The following MTSS1 variants were observed in gnomAD, a reference collection of about 807,000 sequenced individuals.
MTSS1 encodes protein MTSS 1.
MTSS1 carries 18 observed loss-of-function variants against 79.0 expected under a neutral mutation model. That is an observed-to-expected ratio of 0.23 (90% CI 0.16 to 0.34). MTSS1 has a LOEUF of 0.34. MTSS1 is among the 10% of genes least tolerant of loss of function. The pLI is 1.00. For missense variants in MTSS1, 815 were observed against 986.2 expected (o/e 0.83, Z 2.33); for synonymous variants, 341 against 368.6 (o/e 0.93, Z 0.86).
intron 1 of MTSS1, among the ~76,000 whole-genome samples, chr8:124,712,377 T>C (rs1330479905): frequency 6.6e-6 from 1 of 152,142 alleles, no homozygotes; most frequent in Non-Finnish European, 1.5e-5. Context: ...TGAAGCTGCT[T>C]TACGCAGCTT....
intron 7 of MTSS1, chr8:124,567,517 G>C (rs1826770751): frequency 2.0e-6 from 2 of 981,166 alleles, no homozygotes; most frequent in Admixed American, 6.4e-5. Context: ...TTCATACTGT[G>C]GCCCTTTTCT....
rs1320883962 is a variant in MTSS1 at position 124,550,802 on chromosome 8, C to T, written c.*2190G>A. ...ACAGGACTTTTTTAATCTAGTGGTT[C>T]TTTATTTATAACGTAGGCTGAAGCA... On this transcript the variant is annotated 3_prime_UTR_variant, in exon 14 of 14. Transcript: ENST00000518547. 1 of 152,482 alleles carries T rather than the reference C, an allele frequency of 6.6e-6. No individual in the cohort carries two copies. 9.4% of individuals were successfully genotyped at this position (152,482 alleles called of 1,614,324 possible).
intron 5 of MTSS1, among the ~76,000 whole-genome samples, chr8:124,585,469 C>CA (rs1198046942): frequency 1.3e-5 from 2 of 151,636 alleles, no homozygotes; most frequent in African/African-American, 2.4e-5. Context: ...GGCTGGAGTG[C>CA]AGTGGCATGA....
At chr8:124,583,200 C>T (rs781600530) in intron 6 of MTSS1, among the ~76,000 whole-genome samples, 8 of 152,160 alleles carry the variant, frequency 5.3e-5, no homozygotes, top group Non-Finnish European at 1.0e-4. Flanking sequence ...GCTTCAGAAA[C>T]CCCTGATCCC....
intron 10 of MTSS1, among the ~76,000 whole-genome samples, chr8:124,560,677 C>G (rs143217299): frequency 1.1e-3 from 174 of 152,210 alleles, no homozygotes; most frequent in Non-Finnish European, 2.1e-3. Context: ...AATAAAACAA[C>G]AAAACAGTAA....
At chr8:124,645,430 A>G (rs1818831383) in intron 3 of MTSS1, among the ~76,000 whole-genome samples, 1 of 152,208 alleles carries the variant, frequency 6.6e-6, no homozygotes, top group Non-Finnish European at 1.5e-5. Flanking sequence ...AGAAGAAAAT[A>G]TAAGGCTCCA....
chr8:124,667,344 CA>C (rs966911557), intron 3 of MTSS1, among the ~76,000 whole-genome samples: 9 of 148,448 alleles, frequency 6.1e-5, no homozygotes, highest in African/African-American at 2.0e-4. Flanking sequence ...TATTTTACCA[CA>C]AAAAAAAAAT....
intron 3 of MTSS1, among the ~76,000 whole-genome samples, chr8:124,635,769 C>G (rs985814520): frequency 1.3e-5 from 2 of 151,984 alleles, no homozygotes; most frequent in Non-Finnish European, 2.9e-5. Context: ...AGCAATTGCC[C>G]TATTTGTAGA....
chr8:124,656,240 T>C (rs1472782626), intron 3 of MTSS1, among the ~76,000 whole-genome samples: 3 of 152,200 alleles, frequency 2.0e-5, no homozygotes, highest in Admixed American at 6.5e-5. Flanking sequence ...AAACCAACTC[T>C]TTCCTTTAGG....
intron 3 of MTSS1, among the ~76,000 whole-genome samples, chr8:124,649,192 C>T (rs565765307): frequency 5.9e-5 from 9 of 152,338 alleles, no homozygotes; most frequent in African/African-American, 1.9e-4. Flanking sequence ...ATCTGTTTAT[C>T]TATTATCTAG....
At chr8:124,712,160 A>T (rs1831261970) in intron 1 of MTSS1, among the ~76,000 whole-genome samples, 1 of 152,162 alleles carries the variant, frequency 6.6e-6, no homozygotes, top group Admixed American at 6.5e-5. Context: ...GTGAACACAC[A>T]AACTGGTCTT....
intron 3 of MTSS1, among the ~76,000 whole-genome samples, chr8:124,688,474 T>C (rs112149272): frequency 3.7e-4 from 57 of 152,292 alleles, no homozygotes; most frequent in African/African-American, 1.4e-3. Context: ...TCATTATTCT[T>C]ACAGTTAAGA....
intron 3 of MTSS1, among the ~76,000 whole-genome samples, chr8:124,666,421 A>G (rs1823088300): frequency 6.6e-6 from 1 of 152,202 alleles, no homozygotes; most frequent in South Asian, 2.1e-4. Flanking sequence ...CTGACAGGAA[A>G]GTGCACTGAA....
At chr8:124,708,477 C>T (rs927856727) in intron 1 of MTSS1, among the ~76,000 whole-genome samples, 4 of 152,192 alleles carry the variant, frequency 2.6e-5, no homozygotes, top group African/African-American at 9.7e-5. Context: ...GCATCTGCAT[C>T]TCCCTATTAG....
chr8:124,716,297 C>T (rs992652719), intron 1 of MTSS1, among the ~76,000 whole-genome samples: 2 of 152,224 alleles, frequency 1.3e-5, no homozygotes, highest in Non-Finnish European at 2.9e-5. Context: ...AGGGAGGAAG[C>T]GTTCCCTGCA....
chr8:124,708,934 GAA>G (rs61708544), intron 1 of MTSS1, among the ~76,000 whole-genome samples: 3 of 135,780 alleles, frequency 2.2e-5, no homozygotes, highest in East Asian at 2.1e-4. Flanking sequence ...GTTGAGAAAT[GAA>G]AAAAAAAAAA....
intron 3 of MTSS1, among the ~76,000 whole-genome samples, chr8:124,642,538 T>C (rs901445163): frequency 1.3e-5 from 2 of 152,202 alleles, no homozygotes; most frequent in African/African-American, 4.8e-5. Context: ...TCCACCTAAG[T>C]TGGAAATATG....
chr8:124,633,992 T>C (rs1816516068), intron 3 of MTSS1, among the ~76,000 whole-genome samples: 1 of 152,176 alleles, frequency 6.6e-6, no homozygotes, highest in African/African-American at 2.4e-5. Flanking sequence ...GTTCAAAATT[T>C]ATGTATCAAA....
At position 124,556,377 on chromosome 8, in the gene MTSS1, T is replaced by G. The variant is rs772902027; in HGVS notation, c.1259A>C (p.Gln420Pro). 1.2e-6 allele frequency: 2 copies of G among 1,613,960 alleles called. No homozygotes were observed. The highest frequency in any genetic ancestry group is 1.7e-6 in the Non-Finnish European group (2 of 1,179,896). The change falls in exon 12 of 14, where the codon CAG (glutamine) becomes CCG (proline). Residue 420 changes from glutamine (Q) to proline (P), a missense_variant. By Grantham distance (76) the Gln-to-Pro change is moderately conservative (BLOSUM62 -1). Coordinates refer to ENST00000518547, the MANE Select transcript of MTSS1 (RefSeq NM_014751.6). Reference protein sequence around the residue: ...KDWAKPGPYDQPLVNTLQRRK... With the variant: ...KDWAKPGPYDPPLVNTLQRRK... ...GCGCTGCAGGGTGTTCACCAGAGGC[T>G]GGTCATAGGGCCCAGGCTTAGCCCA... is the stretch of plus-strand genomic sequence containing the variant.
Sources: allele counts gnomAD v4.1 joint callset (sites outside exome capture counted in the v4.1 genomes callset), GRCh38; gene constraint gnomAD v4.1.1; transcripts MANE v1.5; gene names NCBI Gene and HGNC (gene_info 2026-07-23, HGNC 2026-07-21).